The following RYR3 variants were observed in gnomAD, a reference collection of about 807,000 sequenced individuals.
RYR3 encodes the protein brain ryanodine receptor-calcium release channel.
In RYR3, 207 loss-of-function variants were observed where a neutral mutation model predicts 584.3. The observed-to-expected ratio is 0.35, with a 90% CI of 0.32 to 0.40. The LOEUF (loss-of-function observed/expected upper bound fraction) is 0.40. Among genes scored for constraint, RYR3 ranks in the 10% least tolerant of loss-of-function variants. The pLI, the probability that RYR3 is intolerant of heterozygous loss-of-function variation, is 1.00. For missense variants in RYR3, 5,616 were observed against 6,089.2 expected, an observed-to-expected ratio of 0.92 and a Z score of 2.59; for synonymous variants, 2,416 against 2,248.5, an observed-to-expected ratio of 1.07 and a Z score of -2.11.
chr15:33,581,494 A>C lies in RYR3; in HGVS notation c.1438-14A>C, dbSNP rs1171742762. Reference sequence around the variant, plus strand: ...ATCAGCAATGTTTACATTTTCCTCCACTCTCCTTCTCAGGGAATGTTGGCC... The same window carrying C: ...ATCAGCAATGTTTACATTTTCCTCCCCTCTCCTTCTCAGGGAATGTTGGCC... On this transcript the variant is annotated splice_polypyrimidine_tract_variant and intron_variant, in intron 13 of 103. Coordinates refer to ENST00000634891, the MANE Select transcript of RYR3 (RefSeq NM_001036.6). The C allele has an allele frequency of 1.2e-6, 2 of 1,612,208 alleles. No homozygotes were observed. The highest frequency in any genetic ancestry group is 1.1e-5 in the South Asian group (1 of 90,928).
At chr15:33,494,622 T>C (rs2572164) in intron 2 of RYR3, among the ~76,000 whole-genome samples, 91,853 of 151,858 alleles carry the variant, frequency 0.6, 27,998 homozygotes, top group Middle Eastern at 0.68. Context: ...TTTACTTCCT[T>C]CTTTTAAAAG....
At chr15:33,420,902 G>T (rs929216189) in intron 1 of RYR3, among the ~76,000 whole-genome samples, 1 of 152,042 alleles carries the variant, frequency 6.6e-6, no homozygotes, top group Non-Finnish European at 1.5e-5. Context: ...CAGTCATTCT[G>T]CAGGCATTTT....
At chr15:33,330,979 A>C (rs1036968907) in intron 1 of RYR3, among the ~76,000 whole-genome samples, 3 of 152,108 alleles carry the variant, frequency 2.0e-5, no homozygotes, top group Non-Finnish European at 4.4e-5. Context: ...AATGCAGAGG[A>C]TCTCCCCCTG....
chr15:33,795,408 A>G (rs1467521386), intron 67 of RYR3, among the ~76,000 whole-genome samples: 7 of 113,178 alleles, frequency 6.2e-5, no homozygotes, highest in Non-Finnish European at 9.9e-5. Context: ...TTTTTGTGAG[A>G]CAGAGTCTCA....
chr15:33,628,641 C>G, intron 21 of RYR3, 66 bp downstream of exon 21: 1 of 974,620 alleles, frequency 1.0e-6, no homozygotes, highest in Non-Finnish European at 1.7e-6. Context: ...ACTGTTCTTC[C>G]TGCTGCATGC....
In RYR3 at chr15:33,538,101, A is replaced by AT. The variant is rs1230456502; in HGVS notation, c.434-1243dup. Among the ~76,000 whole-genome samples, 7 of 152,014 alleles carry AT rather than the reference A, an allele frequency of 4.6e-5. No individual in the cohort carries two copies. In the South Asian group the frequency reaches 1.0e-3, roughly 23 times the overall value. On this transcript the variant is annotated intron_variant, in intron 5 of 103. Coordinates refer to ENST00000634891, the MANE Select transcript of RYR3 (RefSeq NM_001036.6). ...GTCCTCTGAGATTATTAATTATAAGATTTTTTAAGTTTTCATTTGTTCTTT... is the reference window on the plus strand; with the variant it reads ...GTCCTCTGAGATTATTAATTATAAGATTTTTTTAAGTTTTCATTTGTTCTTT...
intron 3 of RYR3, among the ~76,000 whole-genome samples, chr15:33,514,595 GT>G (rs1284354119): frequency 6.6e-6 from 1 of 151,820 alleles, no homozygotes; most frequent in Non-Finnish European, 1.5e-5. Context: ...TATTTGAAAG[GT>G]AAGTTGAATG....
intron 1 of RYR3, among the ~76,000 whole-genome samples, chr15:33,329,242 G>A (rs941299152): frequency 2.6e-5 from 4 of 152,118 alleles, no homozygotes; most frequent in Admixed American, 2.0e-4. Context: ...GTAAGAACTC[G>A]TATGTAATGC....
chr15:33,737,947 C>G (rs1447499005), intron 49 of RYR3, among the ~76,000 whole-genome samples: 1 of 151,892 alleles, frequency 6.6e-6, no homozygotes, highest in Non-Finnish European at 1.5e-5. Context: ...GGAGAGGGAG[C>G]GGGCACGGGG....
chr15:33,397,459 G>A (rs987357904), intron 1 of RYR3, among the ~76,000 whole-genome samples: 2 of 152,134 alleles, frequency 1.3e-5, no homozygotes, highest in Non-Finnish European at 2.9e-5. Flanking sequence ...AGACACACAG[G>A]TACAAAATCT....
chr15:33,585,100 G>A (rs949971479), intron 15 of RYR3, among the ~76,000 whole-genome samples: 1 of 151,940 alleles, frequency 6.6e-6, no homozygotes, highest in African/African-American at 2.4e-5. Flanking sequence ...GCAGGTATAC[G>A]CCCCTCAAGG....
chr15:33,433,779 GC>G (rs1210319678), intron 1 of RYR3, among the ~76,000 whole-genome samples: 3 of 152,172 alleles, frequency 2.0e-5, no homozygotes, highest in Non-Finnish European at 4.4e-5. Context: ...GCTTTGGGAT[GC>G]CCCATTCCAC....
intron 3 of RYR3, among the ~76,000 whole-genome samples, chr15:33,520,962 A>G (rs2053937318): frequency 6.6e-6 from 1 of 152,190 alleles, no homozygotes; most frequent in Admixed American, 6.5e-5. Context: ...ACAAAAGGGG[A>G]GGAAAATGGT....
intron 1 of RYR3, among the ~76,000 whole-genome samples, chr15:33,323,630 C>T (rs1431091415): frequency 6.6e-6 from 1 of 152,176 alleles, no homozygotes; most frequent in Non-Finnish European, 1.5e-5. Context: ...ATAGCTCTCC[C>T]ACCTGCGCCC....
intron 12 of RYR3, among the ~76,000 whole-genome samples, chr15:33,574,371 GA>G (rs2058187057): frequency 6.6e-6 from 1 of 152,188 alleles, no homozygotes; most frequent in African/African-American, 2.4e-5. Flanking sequence ...ACTGAATTCA[GA>G]AGTGGGAAGT....
chr15:33,719,789 G>C (rs1234343900), intron 43 of RYR3, among the ~76,000 whole-genome samples: 1 of 152,164 alleles, frequency 6.6e-6, no homozygotes, highest in Non-Finnish European at 1.5e-5. Context: ...CAACTGATAG[G>C]AGAGCATGGG....
At chr15:33,542,725 A>AT (rs898044524) in intron 7 of RYR3, among the ~76,000 whole-genome samples, 4 of 152,028 alleles carry the variant, frequency 2.6e-5, no homozygotes, top group African/African-American at 7.2e-5. Flanking sequence ...TAATTATGTG[A>AT]TTTTTTTTCC....
chr15:33,798,315 T>A (rs561285160), intron 67 of RYR3, among the ~76,000 whole-genome samples: 1 of 152,264 alleles, frequency 6.6e-6, no homozygotes, highest in South Asian at 2.1e-4. Flanking sequence ...GGTCTCAAAC[T>A]CCTGACCTCA....
intron 31 of RYR3, 48 bp downstream of exon 31, chr15:33,649,283 C>G: frequency 1.9e-6 from 3 of 1,558,786 alleles, no homozygotes; most frequent in Non-Finnish European, 2.6e-6. Context: ...CTTCTCAGTC[C>G]CTCCCCCCAG....
Sources: allele counts gnomAD v4.1 joint callset (sites outside exome capture counted in the v4.1 genomes callset), GRCh38; gene constraint gnomAD v4.1.1; transcripts MANE v1.5; gene names NCBI Gene and HGNC (gene_info 2026-07-23, HGNC 2026-07-21).